The following DIS3L variants were observed in gnomAD, a reference collection of about 807,000 sequenced individuals.
The protein encoded by DIS3L is DIS3-like exonuclease 1.
A neutral mutation model predicts 120.3 loss-of-function variants in DIS3L; 100 were observed. That is an observed-to-expected ratio of 0.83 (90% CI 0.71 to 0.98). The LOEUF (loss-of-function observed/expected upper bound fraction) is 0.98. Among genes scored for constraint, DIS3L ranks in the 50% least tolerant of loss-of-function variants. The probability of loss-of-function intolerance (pLI) is 0.00; values close to 1 mark genes in which losing one functional copy is unlikely to be tolerated. For missense variants in DIS3L, 1,196 were observed against 1,314.2 expected (o/e 0.91, Z 1.39); for synonymous variants, 426 against 470.6 (o/e 0.91, Z 1.23).
intron 4 of DIS3L, among the ~76,000 whole-genome samples, chr15:66,309,692 A>G (rs1182092033): frequency 6.6e-6 from 1 of 152,210 alleles, no homozygotes; most frequent in African/African-American, 2.4e-5. Context: ...AATCCAGGCA[A>G]TCGGACCCCA....
At chr15:66,294,519 A>G (rs2092564297) in intron 1 of DIS3L, 1 of 988,912 alleles carries the variant, frequency 1.0e-6, no homozygotes, top group Non-Finnish European at 1.2e-6. Flanking sequence ...TCACCTCTGC[A>G]CGTTGCTTGC....
intron 2 of DIS3L, among the ~76,000 whole-genome samples, chr15:66,302,180 T>C (rs2092654936): frequency 6.6e-6 from 1 of 152,030 alleles, no homozygotes; most frequent in Admixed American, 6.6e-5. Flanking sequence ...CTGGCTAACA[T>C]AGTGAGACCC....
In DIS3L at chr15:66,306,953, G is replaced by C; in HGVS notation, c.422+1G>C. 6.2e-7 allele frequency: 1 copy of C among 1,613,980 alleles called. No homozygotes were observed. On this transcript the variant is annotated splice_donor_variant, in intron 3 of 16. Coordinates refer to ENST00000319212, the MANE Select transcript of DIS3L (RefSeq NM_001143688.3). LOFTEE classifies it high-confidence loss of function. ...AGTCCATGGAGAAGTGGCAGACCAG[G>C]TATGGCCCTGACTTGCTGCTGTTTT...
rs1323778949 is a variant in DIS3L at position 66,311,637 on chromosome 15, A to G, written c.559-87A>G. 8 of 1,517,806 alleles carry G rather than the reference A, an allele frequency of 5.3e-6. No individual in the cohort carries two copies. In the African/African-American group the frequency reaches 5.5e-5, roughly 10 times the overall value. The allele number at this position is 1,517,806 out of a possible 1,614,324, so 94.0% of individuals were successfully genotyped here. ...ACCCCCTCAAGATGGCAGGCCAGCA[A>G]TTCCTAGTCAGGAGTTTCTGTCATA... On this transcript the variant is annotated intron_variant, in intron 4 of 16. Coordinates refer to ENST00000319212, the MANE Select transcript of DIS3L (RefSeq NM_001143688.3).
chr15:66,327,222 GTGGC>G (rs2140406806), intron 12 of DIS3L, among the ~76,000 whole-genome samples: 1 of 152,164 alleles, frequency 6.6e-6, no homozygotes, highest in East Asian at 1.9e-4. Context: ...GCCACTGTGT[GTGGC>G]TGACCCACCA....
intron 3 of DIS3L, among the ~76,000 whole-genome samples, chr15:66,308,403 C>T (rs1278965691): frequency 6.6e-6 from 1 of 152,094 alleles, no homozygotes. Flanking sequence ...TGTGTGCTGC[C>T]CCAGTTAAAT....
chr15:66,298,179 CAAAAAAAAAAAAAA>C (rs11419116), intron 2 of DIS3L, among the ~76,000 whole-genome samples: 3 of 45,978 alleles, frequency 6.5e-5, no homozygotes, highest in South Asian at 1.3e-3. Context: ...GACTCCGTCT[CAAAAAAAAAAAAAA>C]AAAAAAAAAA....
rs1256028409 is a variant in DIS3L, at chr15:66,302,603, T to C, written c.294-4221T>C. ...GTAAAGCACTGAAGTAAAGCCTTAC[T>C]GTCTGCTGTCTCGCACATTCCGCCC... On this transcript the variant is annotated intron_variant, in intron 2 of 16. Coordinates refer to ENST00000319212, the MANE Select transcript of DIS3L (RefSeq NM_001143688.3). 2.0e-5 allele frequency among the ~76,000 whole-genome samples: 3 copies of C among 152,184 alleles called. No individual in the cohort carries two copies. In the East Asian group the frequency reaches 5.8e-4, roughly 29 times the overall value.
intron 11 of DIS3L, among the ~76,000 whole-genome samples, chr15:66,324,208 G>A (rs891643018): frequency 6.6e-6 from 1 of 152,058 alleles, no homozygotes; most frequent in African/African-American, 2.4e-5. Context: ...AGAACTTAAT[G>A]GTATCTTGGA....
intron 5 of DIS3L, among the ~76,000 whole-genome samples, chr15:66,313,404 T>C (rs1595736473): frequency 6.6e-6 from 1 of 152,350 alleles, no homozygotes; most frequent in Non-Finnish European, 1.5e-5. Flanking sequence ...TTCAAAATGA[T>C]GGTATTTTTC....
At chr15:66,321,624 G>T (rs939506443) in intron 9 of DIS3L, among the ~76,000 whole-genome samples, 2 of 151,972 alleles carry the variant, frequency 1.3e-5, no homozygotes, top group African/African-American at 4.8e-5. Flanking sequence ...AAAGTATCTA[G>T]GCCTAGTGGT....
intron 4 of DIS3L, among the ~76,000 whole-genome samples, chr15:66,310,760 G>T (rs2092751903): frequency 6.6e-6 from 1 of 152,150 alleles, no homozygotes; most frequent in Non-Finnish European, 1.5e-5. Context: ...AGTATAACCT[G>T]TTTTCTTTTC....
intron 9 of DIS3L, among the ~76,000 whole-genome samples, chr15:66,322,001 C>T (rs141188123): frequency 3.7e-4 from 57 of 152,130 alleles, no homozygotes; most frequent in African/African-American, 1.3e-3. Flanking sequence ...TTTCACAGAA[C>T]GGGAGCTATC....
Position 66,308,779 on chromosome 15 carries a change from G to T in DIS3L, c.493G>T (p.Glu165Ter), listed in dbSNP as rs1173851057. ...QDRMPIVMVT[E>*]DEEAIQQYGS... ...CAGGATGCCAATTGTTATGGTGACA[G>T]AAGATGAAGAGGCAATTCAGCAGTA... The change falls in exon 4 of 17, where the codon GAA (glutamate) becomes TAA (stop). Residue 165 changes from glutamate to a stop codon, truncating the protein, a stop_gained. Transcript: ENST00000319212. LOFTEE classifies it high-confidence loss of function. 1 of 1,613,538 alleles carries T rather than the reference G, an allele frequency of 6.2e-7. No homozygotes were observed. The highest frequency in any genetic ancestry group is 8.5e-7 in the Non-Finnish European group (1 of 1,179,808).
intron 14 of DIS3L, chr15:66,329,891 G>A: frequency 1.0e-6 from 1 of 981,802 alleles, no homozygotes; most frequent in Non-Finnish European, 1.2e-6. Context: ...TAGCCTGGGT[G>A]ACAAAATTGA....
chr15:66,327,290 T>G lies in DIS3L; in HGVS notation c.2201+926T>G, dbSNP rs1318873626. On this transcript the variant is annotated intron_variant, in intron 12 of 16. Coordinates refer to ENST00000319212, the MANE Select transcript of DIS3L (RefSeq NM_001143688.3). ...GTTAGTTACCCTTGATTTAATTTCATGTACCCCTTAAGTTACAAAGAAATA... is the reference window on the plus strand; with the variant it reads ...GTTAGTTACCCTTGATTTAATTTCAGGTACCCCTTAAGTTACAAAGAAATA... 2.6e-5 allele frequency among the ~76,000 whole-genome samples: 4 copies of G among 152,354 alleles called. No individual in the cohort carries two copies. The South Asian group carries it at 8.3e-4, about 32-fold the overall frequency.
At chr15:66,322,980 GA>G in intron 10 of DIS3L, 46 bp downstream of exon 10, 3 of 1,601,278 alleles carry the variant, frequency 1.9e-6, no homozygotes, top group Non-Finnish European at 1.7e-6. Flanking sequence ...TATGTGACTG[GA>G]TATTTTGTGT....
chr15:66,309,652 C>T (rs934445111), intron 4 of DIS3L, among the ~76,000 whole-genome samples: 3 of 152,150 alleles, frequency 2.0e-5, no homozygotes, highest in Non-Finnish European at 4.4e-5. Context: ...TTAAAAGTCA[C>T]ACAGTAGAAA....
At chr15:66,331,753 A>G (rs2093000069) in intron 14 of DIS3L, 122 bp from the exon 15 acceptor site, 1 of 1,119,970 alleles carries the variant, frequency 8.9e-7, no homozygotes, top group Non-Finnish European at 1.2e-6. Flanking sequence ...TTAATTTCAT[A>G]GTAGAGAACA....
Sources: allele counts gnomAD v4.1 joint callset (sites outside exome capture counted in the v4.1 genomes callset), GRCh38; gene constraint gnomAD v4.1.1; transcripts MANE v1.5; gene names NCBI Gene and HGNC (gene_info 2026-07-23, HGNC 2026-07-21).